The following ZFHX3 variants were observed in gnomAD, a reference collection of about 807,000 sequenced individuals.
ZFHX3 encodes zinc finger homeobox 3, also known as zinc finger homeobox protein 3.
A neutral mutation model predicts 279.1 loss-of-function variants in ZFHX3; 42 were observed. The observed-to-expected ratio is 0.15, with a 90% CI of 0.12 to 0.19. The LOEUF (loss-of-function observed/expected upper bound fraction) is 0.19. Ranked by LOEUF, ZFHX3 falls within the 10% of genes least tolerant of loss-of-function variation. The pLI is 1.00. For missense variants in ZFHX3, 4,981 were observed against 4,754.0 expected, an observed-to-expected ratio of 1.05 and a Z score of -1.40; for synonymous variants, 2,293 against 1,957.8, an observed-to-expected ratio of 1.17 and a Z score of -4.52.
chr16:73,803,440 C>T (rs958661988), intron 1 of ZFHX3, among the ~76,000 whole-genome samples: 2 of 152,140 alleles, frequency 1.3e-5, no homozygotes, highest in African/African-American at 4.8e-5. Context: ...ATATAAATTG[C>T]TACAAGATTT....
intron 1 of ZFHX3, among the ~76,000 whole-genome samples, chr16:73,709,298 G>T (rs2053334509): frequency 6.6e-6 from 1 of 151,850 alleles, no homozygotes; most frequent in Non-Finnish European, 1.5e-5. Context: ...TCAGGAGTTG[G>T]AGGTTAAAGT....
intron 1 of ZFHX3, among the ~76,000 whole-genome samples, chr16:73,730,883 G>C (rs969544709): frequency 6.6e-6 from 1 of 152,134 alleles, no homozygotes; most frequent in Non-Finnish European, 1.5e-5. Context: ...GGAGACCCTG[G>C]GCTCTCTCCG....
intron 1 of ZFHX3, among the ~76,000 whole-genome samples, chr16:73,851,472 G>A (rs2142379970): frequency 6.6e-6 from 1 of 152,264 alleles, no homozygotes; most frequent in South Asian, 2.1e-4. Context: ...AACTTTCATT[G>A]AGGTTCTAAC....
chr16:73,601,807 A>T (rs2052121324), intron 2 of ZFHX3, among the ~76,000 whole-genome samples: 1 of 152,230 alleles, frequency 6.6e-6, no homozygotes, highest in African/African-American at 2.4e-5. Context: ...AAAGCACGTT[A>T]CTGAAATAGA....
chr16:73,149,373 G>A (rs1236337226), intron 5 of ZFHX3, among the ~76,000 whole-genome samples: 1 of 151,654 alleles, frequency 6.6e-6, no homozygotes, highest in African/African-American at 2.4e-5. Flanking sequence ...TTATTAACAT[G>A]TGGGGCCTTC....
At chr16:72,814,174 T>C (rs1298224892) in intron 5 of ZFHX3, among the ~76,000 whole-genome samples, 2 of 152,120 alleles carry the variant, frequency 1.3e-5, no homozygotes, top group South Asian at 2.1e-4. Context: ...TCAGGGTATA[T>C]ATAGTTAGGA....
chr16:73,359,748 G>T (rs1376223198), intron 3 of ZFHX3, among the ~76,000 whole-genome samples: 2 of 152,210 alleles, frequency 1.3e-5, no homozygotes, highest in Non-Finnish European at 2.9e-5. Flanking sequence ...CTGAAGCCCC[G>T]AGGCATGAGT....
chr16:73,788,293 G>A (rs1424523744), intron 1 of ZFHX3, among the ~76,000 whole-genome samples: 1 of 152,172 alleles, frequency 6.6e-6, no homozygotes, highest in African/African-American at 2.4e-5. Flanking sequence ...AAACTAAATG[G>A]CAAAGGAAGG....
intron 2 of ZFHX3, among the ~76,000 whole-genome samples, chr16:73,481,175 A>C (rs896050654): frequency 6.6e-6 from 1 of 152,112 alleles, no homozygotes; most frequent in African/African-American, 2.4e-5. Flanking sequence ...TTAAAAATAC[A>C]AAAATTAGCT....
chr16:73,023,499 A>T (rs1410078493), intron 1 of ZFHX3, among the ~76,000 whole-genome samples: 1 of 152,188 alleles, frequency 6.6e-6, no homozygotes, highest in Non-Finnish European at 1.5e-5. Context: ...ACAAGTGTGC[A>T]CACTGTAATC....
intron 2 of ZFHX3, among the ~76,000 whole-genome samples, chr16:73,591,362 A>T (rs1035970875): frequency 6.6e-6 from 1 of 150,986 alleles, no homozygotes; most frequent in African/African-American, 2.5e-5. Flanking sequence ...CAAAAACAAA[A>T]AACAAACAAA....
chr16:73,438,977 G>A (rs2018041361), intron 3 of ZFHX3, among the ~76,000 whole-genome samples: 1 of 152,244 alleles, frequency 6.6e-6, no homozygotes, highest in African/African-American at 2.4e-5. Flanking sequence ...GTGCAAACCT[G>A]TGAGTGATAG....
intron 1 of ZFHX3, among the ~76,000 whole-genome samples, chr16:73,038,192 G>A (rs576833177): frequency 7.4e-4 from 113 of 152,052 alleles, no homozygotes; most frequent in South Asian, 4.2e-3. Context: ...TGTGTGGTGC[G>A]AGAGTCCACG....
chr16:73,879,656 G>T (rs1050995138), intron 1 of ZFHX3, among the ~76,000 whole-genome samples: 2 of 152,134 alleles, frequency 1.3e-5, no homozygotes, highest in African/African-American at 4.8e-5. Flanking sequence ...CAAAAAGAGA[G>T]TAAGTTCCTG....
At chr16:73,622,268 G>T (rs78823304) in intron 2 of ZFHX3, among the ~76,000 whole-genome samples, 1,728 of 152,254 alleles carry the variant, frequency 0.011, 40 homozygotes, top group African/African-American at 0.039. Flanking sequence ...CTGTAAGAAA[G>T]GAATATGGGG....
chr16:72,825,183 A>C (rs2036901938), intron 5 of ZFHX3, among the ~76,000 whole-genome samples: 1 of 152,188 alleles, frequency 6.6e-6, no homozygotes, highest in Admixed American at 6.5e-5. Flanking sequence ...CCTGACTCCA[A>C]ATCTAGAGTC....
intron 5 of ZFHX3, among the ~76,000 whole-genome samples, chr16:73,246,564 G>A (rs2013286278): frequency 2.0e-5 from 3 of 152,016 alleles, no homozygotes; most frequent in Non-Finnish European, 4.4e-5. Flanking sequence ...TAATGAAGGG[G>A]GTCTTTCCCA....
At chr16:73,397,015 T>A (rs981296087) in intron 3 of ZFHX3, among the ~76,000 whole-genome samples, 1 of 152,188 alleles carries the variant, frequency 6.6e-6, no homozygotes, top group Non-Finnish European at 1.5e-5. Flanking sequence ...GGAAGCAGCA[T>A]AAGGAAATAA....
chr16:73,855,238 T>G (rs1961696668), intron 1 of ZFHX3, among the ~76,000 whole-genome samples: 1 of 149,600 alleles, frequency 6.7e-6, no homozygotes, highest in Non-Finnish European at 1.5e-5. Flanking sequence ...TTTTTTTTTT[T>G]TGTCAAATGC....
Sources: allele counts gnomAD v4.1 joint callset (sites outside exome capture counted in the v4.1 genomes callset), GRCh38; gene constraint gnomAD v4.1.1; transcripts MANE v1.5; gene names NCBI Gene and HGNC (gene_info 2026-07-23, HGNC 2026-07-21).